The following TMEM132D variants were observed in gnomAD, a reference collection of about 807,000 sequenced individuals.
TMEM132D encodes transmembrane protein 132D, also known as mature OL transmembrane protein.
A neutral mutation model predicts 62.3 loss-of-function variants in TMEM132D; 21 were observed. The observed-to-expected ratio is 0.34, with a 90% confidence interval of 0.24 to 0.49. The LOEUF (loss-of-function observed/expected upper bound fraction) is 0.49, where lower values mean the gene tolerates loss of function less well. Ranked by LOEUF, TMEM132D falls within the 20% of genes least tolerant of loss-of-function variation. TMEM132D has a pLI of 0.99. For synonymous variants in TMEM132D, 621 were observed against 575.6 expected (o/e 1.08, Z -1.13); for missense variants, 1,346 against 1,402.8 (o/e 0.96, Z 0.65).
At chr12:129,446,056 T>C (rs556018090) in intron 3 of TMEM132D, among the ~76,000 whole-genome samples, 1 of 152,256 alleles carries the variant, frequency 6.6e-6, no homozygotes, top group Admixed American at 6.5e-5. Context: ...GAGAGAAGCT[T>C]GAGCAAGGTG....
At chr12:129,342,715 A>T (rs1241974713) in intron 3 of TMEM132D, among the ~76,000 whole-genome samples, 2 of 152,170 alleles carry the variant, frequency 1.3e-5, no homozygotes, top group African/African-American at 4.8e-5. Context: ...CAAAGAACTC[A>T]AACAAACTTA....
intron 1 of TMEM132D, among the ~76,000 whole-genome samples, chr12:129,799,283 AAAAC>A (rs199640666): frequency 0.055 from 8,340 of 151,998 alleles, 268 homozygotes; most frequent in East Asian, 0.11. Flanking sequence ...CTCCGTCTCA[AAAAC>A]AAACAAACAA....
chr12:129,529,451 GCTCT>G (rs1876153044), intron 3 of TMEM132D, among the ~76,000 whole-genome samples: 2 of 152,182 alleles, frequency 1.3e-5, no homozygotes, highest in East Asian at 3.8e-4. Flanking sequence ...GCCCCCCCAT[GCTCT>G]CTCTCTGTGT....
At chr12:129,709,592 G>A (rs1881591583) in intron 1 of TMEM132D, among the ~76,000 whole-genome samples, 1 of 152,330 alleles carries the variant, frequency 6.6e-6, no homozygotes. Context: ...GGATTCACCG[G>A]AGTGTGCCTC....
intron 4 of TMEM132D, among the ~76,000 whole-genome samples, chr12:129,330,722 T>C (rs1566035669): frequency 6.6e-6 from 1 of 152,240 alleles, no homozygotes; most frequent in Non-Finnish European, 1.5e-5. Context: ...TCACCACCTG[T>C]GGCCTCTTGC....
At chr12:129,282,352 C>G (rs1881180560) in intron 4 of TMEM132D, among the ~76,000 whole-genome samples, 1 of 152,178 alleles carries the variant, frequency 6.6e-6, no homozygotes, top group South Asian at 2.1e-4. Context: ...CCCTGGAAGA[C>G]AGCAGCTGAG....
At chr12:129,674,457 T>A (rs1043602672) in intron 2 of TMEM132D, among the ~76,000 whole-genome samples, 1 of 152,216 alleles carries the variant, frequency 6.6e-6, no homozygotes, top group Non-Finnish European at 1.5e-5. Context: ...ATCATGTCCA[T>A]CACAGCAAAA....
Position 129,184,637 on chromosome 12 carries a change from C to G in TMEM132D, c.1443+24883G>C, listed in dbSNP as rs573393242. 6.6e-5 allele frequency among the ~76,000 whole-genome samples: 10 copies of G among 152,350 alleles called. No homozygotes were observed. In the South Asian group the frequency reaches 2.1e-3, roughly 32 times the overall value. On this transcript the variant is annotated intron_variant, in intron 5 of 8. Transcript: ENST00000422113. ...AACACGAAGTTCACTGCACTTCAGG[C>G]ACAATCCACTCTCAGAAGATACAAC...
At chr12:129,534,196 GACAGCCTCATTACACAGAGATAA>G (rs67872256) in intron 2 of TMEM132D, among the ~76,000 whole-genome samples, 34,190 of 151,856 alleles carry the variant, frequency 0.23, 4,080 homozygotes, top group South Asian at 0.26. Flanking sequence ...AGGTTACACT[GACAGCCTCATTACACAGAGATAA>G]ACATAGCACT....
At chr12:129,167,378 C>CT (rs1877597098) in intron 5 of TMEM132D, among the ~76,000 whole-genome samples, 1 of 152,124 alleles carries the variant, frequency 6.6e-6, no homozygotes, top group Admixed American at 6.5e-5. Context: ...AGCTATGTGG[C>CT]TGTTGGCTTC....
chr12:129,876,253 T>C (rs1400432932), intron 1 of TMEM132D, among the ~76,000 whole-genome samples: 1 of 152,154 alleles, frequency 6.6e-6, no homozygotes, highest in Non-Finnish European at 1.5e-5. Flanking sequence ...TGATCTAAAC[T>C]CGGGTCTTAG....
At chr12:129,567,423 A>T (rs1312845069) in intron 2 of TMEM132D, among the ~76,000 whole-genome samples, 1 of 152,234 alleles carries the variant, frequency 6.6e-6, no homozygotes, top group East Asian at 1.9e-4. Context: ...CCACCACGTG[A>T]CAAGTTTTAG....
At chr12:129,766,157 A>C (rs1593153486) in intron 1 of TMEM132D, among the ~76,000 whole-genome samples, 1 of 151,628 alleles carries the variant, frequency 6.6e-6, no homozygotes, top group East Asian at 1.9e-4. Context: ...CTGGACCCCT[A>C]CTGACTGCCA....
intron 1 of TMEM132D, among the ~76,000 whole-genome samples, chr12:129,706,064 C>T (rs538564450): frequency 6.6e-6 from 1 of 152,076 alleles, no homozygotes; most frequent in East Asian, 1.9e-4. Context: ...AAACAGTTTA[C>T]TGAATAATCT....
In TMEM132D at chr12:129,209,514, A is replaced by ACCTTGC; in HGVS notation, c.1443+5_1443+6insGCAAGG. On this transcript the variant is annotated splice_donor_region_variant and intron_variant, in intron 5 of 8. Coordinates refer to ENST00000422113, the MANE Select transcript of TMEM132D (RefSeq NM_133448.3). ...TTTCTGCAGGGGCGGGGAGGTGTCAACTTGCCTTAATCACGTCTTCATCAG... is the reference window on the plus strand; with the variant it reads ...TTTCTGCAGGGGCGGGGAGGTGTCAACCTTGCCTTGCCTTAATCACGTCTTCATCAG... 1 of 1,613,630 alleles carries ACCTTGC rather than the reference A, an allele frequency of 6.2e-7. No homozygotes were observed. Among genetic ancestry groups the ACCTTGC allele is most frequent in the Non-Finnish European group, 8.5e-7 (1 of 1,179,760 alleles).
chr12:129,537,949 C>A (rs1054144302), intron 2 of TMEM132D, among the ~76,000 whole-genome samples: 2 of 151,380 alleles, frequency 1.3e-5, no homozygotes, highest in African/African-American at 4.9e-5. Context: ...CTCAAAACTG[C>A]AGAGTCCTGG....
At chr12:129,655,250 T>TC (rs1309525326) in intron 2 of TMEM132D, among the ~76,000 whole-genome samples, 2 of 147,122 alleles carry the variant, frequency 1.4e-5, no homozygotes, top group Non-Finnish European at 3.0e-5. Context: ...TCTAGCCTTT[T>TC]TTTTTTTTTC....
intron 1 of TMEM132D, among the ~76,000 whole-genome samples, chr12:129,724,157 G>C (rs1457081310): frequency 6.6e-6 from 1 of 152,196 alleles, no homozygotes; most frequent in East Asian, 1.9e-4. Flanking sequence ...GGCTTCATCA[G>C]CCTGGGTCCC....
intron 1 of TMEM132D, among the ~76,000 whole-genome samples, chr12:129,895,977 T>A (rs572221127): frequency 2.3e-4 from 35 of 149,466 alleles, no homozygotes; most frequent in Non-Finnish European, 4.5e-4. Flanking sequence ...TTTTTTTTTT[T>A]TTTTTTGTTT....
Sources: gnomAD v4.1 joint callset for allele counts (sites outside exome capture counted in the v4.1 genomes callset) on GRCh38, gnomAD v4.1.1 for gene constraint, MANE v1.5 for transcripts, NCBI Gene and HGNC (gene_info 2026-07-23, HGNC 2026-07-21) for gene names.